The following LHFPL3 variants were observed in gnomAD, a reference collection of about 807,000 sequenced individuals.
LHFPL3 encodes LHFPL tetraspan subfamily member 3 protein.
LHFPL3 carries 5 observed loss-of-function variants against 19.3 expected under a neutral mutation model. The observed-to-expected ratio is 0.26, with a 90% CI of 0.14 to 0.54. LHFPL3 has a LOEUF of 0.54. Among genes scored for constraint, LHFPL3 ranks in the 20% least tolerant of loss-of-function variants. LHFPL3 has a pLI of 0.94. For missense variants in LHFPL3, 249 were observed against 307.4 expected (o/e 0.81, Z 1.42); for synonymous variants, 133 against 126.2 (o/e 1.05, Z -0.36).
In LHFPL3 at chr7:104,609,136, G is replaced by A. The variant is rs563674431; in HGVS notation, c.446-127539G>A. ...AAAAATTAGCCAGGCATGGTGGTGCGCACCTGTAATCCCAGCTACTCAGGA... is the reference window on the plus strand; with the variant it reads ...AAAAATTAGCCAGGCATGGTGGTGCACACCTGTAATCCCAGCTACTCAGGA... On this transcript the variant is annotated intron_variant, in intron 1 of 2. Transcript: ENST00000424859. 4.5e-4 allele frequency among the ~76,000 whole-genome samples: 68 copies of A among 152,040 alleles called. 1 individual carries two copies. The East Asian group carries it at 7.6e-3, about 17-fold the overall frequency.
chr7:104,710,460 G>A (rs993696161), intron 1 of LHFPL3, among the ~76,000 whole-genome samples: 23 of 152,132 alleles, frequency 1.5e-4, no homozygotes, highest in African/African-American at 3.6e-4. Flanking sequence ...ATCCACTCCC[G>A]GTTGGATATT....
At chr7:104,343,512 C>CAAAAAAAAAAAAAAAAAAAAAAAAAAAAA (rs536122769) in intron 1 of LHFPL3, among the ~76,000 whole-genome samples, 1 of 47,476 alleles carries the variant, frequency 2.1e-5, no homozygotes. Context: ...GACTCTGTCT[C>CAAAAAAAAAAAAAAAAAAAAAAAAAAAAA]AAAAAAAAAA....
At chr7:104,351,038 T>TAA (rs35688007) in intron 1 of LHFPL3, among the ~76,000 whole-genome samples, 8,904 of 116,128 alleles carry the variant, frequency 0.077, 397 homozygotes, top group Non-Finnish European at 0.11. Context: ...AGACTCCCTC[T>TAA]AAAAAAAAAA....
chr7:104,647,742 C>T (rs1327582916), intron 1 of LHFPL3, among the ~76,000 whole-genome samples: 1 of 152,194 alleles, frequency 6.6e-6, no homozygotes, highest in Non-Finnish European at 1.5e-5. Context: ...ATGGCAGCTG[C>T]GGTTCCTGCC....
chr7:104,714,307 T>C (rs899728544), intron 1 of LHFPL3, among the ~76,000 whole-genome samples: 1 of 152,140 alleles, frequency 6.6e-6, no homozygotes, highest in South Asian at 2.1e-4. Flanking sequence ...GCATTCTCAA[T>C]AAAAATAAAA....
At position 104,417,884 on chromosome 7, in the gene LHFPL3, C is replaced by CTTTT. The variant is rs762794916; in HGVS notation, c.445+88673_445+88676dup. ...TCTTCTTCTTCTTCTTCTTCTTCTTCTTTTTTTTTTTTTTTTGAGATGGGG... is the reference window on the plus strand; with the variant it reads ...TCTTCTTCTTCTTCTTCTTCTTCTTCTTTTTTTTTTTTTTTTTTTTGAGATGGGG... On this transcript the variant is annotated intron_variant, in intron 1 of 2. Coordinates refer to ENST00000424859, the MANE Select transcript of LHFPL3 (RefSeq NM_199000.3). Among the ~76,000 whole-genome samples, 1,148 of 117,724 alleles carry CTTTT rather than the reference C, an allele frequency of 9.8e-3. 38 individuals are homozygous for CTTTT. Among genetic ancestry groups the CTTTT allele is most frequent in the African/African-American group, 0.036 (1,051 of 29,554 alleles). 77.2% of individuals were successfully genotyped at this position (117,724 alleles called of 152,430 possible). A position where few individuals can be genotyped will look rare whatever the true frequency, so the allele number is the denominator to read the frequency against.
At chr7:104,365,499 C>T (rs1381983560) in intron 1 of LHFPL3, among the ~76,000 whole-genome samples, 1 of 150,800 alleles carries the variant, frequency 6.6e-6, no homozygotes, top group African/African-American at 2.4e-5. Context: ...TGAAAAGCCT[C>T]GGCCGGGCGC....
At chr7:104,331,473 A>G (rs1377198679) in intron 1 of LHFPL3, among the ~76,000 whole-genome samples, 1 of 152,230 alleles carries the variant, frequency 6.6e-6, no homozygotes, top group Non-Finnish European at 1.5e-5. Context: ...TAATAAAAGA[A>G]AAATTGATTC....
intron 1 of LHFPL3, among the ~76,000 whole-genome samples, chr7:104,555,508 C>T (rs1794747067): frequency 6.6e-6 from 1 of 152,192 alleles, no homozygotes; most frequent in African/African-American, 2.4e-5. Flanking sequence ...ACCATCAGAT[C>T]TCATGAGACT....
At chr7:104,420,864 C>A (rs75414995) in intron 1 of LHFPL3, among the ~76,000 whole-genome samples, 261 of 152,234 alleles carry the variant, frequency 1.7e-3, no homozygotes, top group African/African-American at 6.1e-3. Flanking sequence ...GCCCGGCCCC[C>A]CAAAGGGTGA....
rs143363440 is a variant in LHFPL3 at position 104,887,715 on chromosome 7, A to G, written c.683-18472A>G. Among the ~76,000 whole-genome samples the G allele has an allele frequency of 8.0e-4, 122 of 152,352 alleles. 2 individuals are homozygous for G. The East Asian group carries it at 0.022, about 28-fold the overall frequency. ...GCAGAGAAACGACAGCCTCTACTAC[A>G]AGTACTGGCTTCTGCAAAGAGCATT... is the stretch of plus-strand genomic sequence containing the variant. On this transcript the variant is annotated intron_variant, in intron 2 of 2. Coordinates refer to ENST00000424859, the MANE Select transcript of LHFPL3 (RefSeq NM_199000.3).
At chr7:104,835,830 T>C (rs1418739267) in intron 2 of LHFPL3, among the ~76,000 whole-genome samples, 2 of 151,960 alleles carry the variant, frequency 1.3e-5, no homozygotes, top group Admixed American at 6.5e-5. Context: ...TAGGTATACA[T>C]GTGCTATGGT....
At chr7:104,605,826 A>G (rs1327225283) in intron 1 of LHFPL3, among the ~76,000 whole-genome samples, 1 of 151,924 alleles carries the variant, frequency 6.6e-6, no homozygotes, top group African/African-American at 2.4e-5. Flanking sequence ...GAGGGCAGAA[A>G]ATTCAAGTCC....
chr7:104,495,595 G>A (rs907265690), intron 1 of LHFPL3, among the ~76,000 whole-genome samples: 1 of 152,146 alleles, frequency 6.6e-6, no homozygotes, highest in Admixed American at 6.5e-5. Flanking sequence ...ATGTTAGCCA[G>A]GATGGTCTCC....
rs143766101 is a variant in LHFPL3 at position 104,610,598 on chromosome 7, G to C, written c.446-126077G>C. ...TTCCAGTTCAAATCTGAGTCTGAAG[G>C]CAGGAGAAGTCTAATGTCTCAGCTC... On this transcript the variant is annotated intron_variant, in intron 1 of 2. Transcript: ENST00000424859. Among the ~76,000 whole-genome samples the C allele has an allele frequency of 9.6e-4, 146 of 152,200 alleles. 3 individuals carry two copies. The highest frequency in any genetic ancestry group is 3.3e-3 in the African/African-American group (138 of 41,542).
intron 1 of LHFPL3, among the ~76,000 whole-genome samples, chr7:104,634,611 A>G (rs539195509): frequency 1.3e-5 from 2 of 152,326 alleles, no homozygotes; most frequent in East Asian, 1.9e-4. Flanking sequence ...AAACTCTCCC[A>G]GTCTTCTTCC....
At chr7:104,505,164 G>C (rs1793672631) in intron 1 of LHFPL3, among the ~76,000 whole-genome samples, 1 of 152,180 alleles carries the variant, frequency 6.6e-6, no homozygotes, top group Non-Finnish European at 1.5e-5. Context: ...TATTCTGCTA[G>C]ATAAGCTTTA....
At chr7:104,682,981 G>GT (rs760896363) in intron 1 of LHFPL3, among the ~76,000 whole-genome samples, 53 of 152,184 alleles carry the variant, frequency 3.5e-4, no homozygotes, top group Non-Finnish European at 5.7e-4. Context: ...CTGGTGAATT[G>GT]TTTTTTAATT....
At chr7:104,780,980 T>G (rs1029691424) in intron 2 of LHFPL3, among the ~76,000 whole-genome samples, 1 of 152,204 alleles carries the variant, frequency 6.6e-6, no homozygotes, top group African/African-American at 2.4e-5. Flanking sequence ...ACCCGTTCTT[T>G]GCCAACATCC....
Sources: gnomAD v4.1 joint callset for allele counts (sites outside exome capture counted in the v4.1 genomes callset) on GRCh38, gnomAD v4.1.1 for gene constraint, MANE v1.5 for transcripts, NCBI Gene and HGNC (gene_info 2026-07-23, HGNC 2026-07-21) for gene names.